The following LMX1A variants were observed in gnomAD, a reference collection of about 807,000 sequenced individuals.
The protein encoded by LMX1A is LIM homeobox transcription factor 1 alpha, also known as LIM homeobox transcription factor 1-alpha.
A neutral mutation model predicts 49.1 loss-of-function variants in LMX1A; 15 were observed. The ratio of observed to expected loss-of-function variants is 0.31; its 90% CI spans 0.20 to 0.47. The LOEUF is 0.47. Ranked by LOEUF, LMX1A falls within the 20% of genes least tolerant of loss-of-function variation. The pLI, the probability that LMX1A is intolerant of heterozygous loss-of-function variation, is 1.00. For missense variants in LMX1A, 372 were observed against 475.8 expected (o/e 0.78, Z 2.03); for synonymous variants, 167 against 185.7 (o/e 0.90, Z 0.82).
chr1:165,224,843 G>A (rs1239153349), intron 4 of LMX1A, among the ~76,000 whole-genome samples: 1 of 152,178 alleles, frequency 6.6e-6, no homozygotes, highest in Non-Finnish European at 1.5e-5. Context: ...TCCACAGTTA[G>A]GGTTCACCTG....
At chr1:165,247,190 G>T (rs1652892622) in intron 4 of LMX1A, among the ~76,000 whole-genome samples, 1 of 149,622 alleles carries the variant, frequency 6.7e-6, no homozygotes, top group Non-Finnish European at 1.5e-5. Context: ...TAGTGATTAA[G>T]CCTCCAGACA....
intron 4 of LMX1A, among the ~76,000 whole-genome samples, chr1:165,219,860 G>T (rs1158690243): frequency 6.6e-6 from 1 of 152,198 alleles, no homozygotes; most frequent in Non-Finnish European, 1.5e-5. Context: ...ACAGATATAT[G>T]TGATTAGTAG....
chr1:165,215,407 C>G (rs1358706024), intron 4 of LMX1A, among the ~76,000 whole-genome samples: 2 of 152,198 alleles, frequency 1.3e-5, no homozygotes, highest in Non-Finnish European at 2.9e-5. Context: ...TCACAGAGCT[C>G]AACTGCCCTC....
At chr1:165,342,862 T>C (rs1656117726) in intron 3 of LMX1A, among the ~76,000 whole-genome samples, 1 of 151,644 alleles carries the variant, frequency 6.6e-6, no homozygotes. Flanking sequence ...GATGGTGTGA[T>C]TTAGTGGAAA....
intron 3 of LMX1A, among the ~76,000 whole-genome samples, chr1:165,346,515 T>C (rs1436778889): frequency 6.6e-6 from 1 of 152,240 alleles, no homozygotes; most frequent in Non-Finnish European, 1.5e-5. Context: ...TACAGATGAT[T>C]TGGTTGCCTT....
At chr1:165,227,140 G>T (rs1235189350) in intron 4 of LMX1A, among the ~76,000 whole-genome samples, 1 of 152,150 alleles carries the variant, frequency 6.6e-6, no homozygotes, top group African/African-American at 2.4e-5. Context: ...TTAAAATAAA[G>T]GACAAAGCAA....
At chr1:165,236,895 G>A (rs1020569764) in intron 4 of LMX1A, among the ~76,000 whole-genome samples, 1 of 150,806 alleles carries the variant, frequency 6.6e-6, no homozygotes, top group African/African-American at 2.4e-5. Context: ...AGTCTTATAG[G>A]GTAAATACTT....
At position 165,271,086 on chromosome 1, in the gene LMX1A, T is replaced by G. The variant is rs1202886929; in HGVS notation, c.264-21446A>C. 2.6e-5 allele frequency among the ~76,000 whole-genome samples: 4 copies of G among 152,334 alleles called. No homozygotes were observed. The East Asian group carries it at 7.7e-4, about 29-fold the overall frequency. The stretch of plus-strand genomic sequence containing the variant: ...GGGATGAGTCCTCATTTATCCTAGC[T>G]AGGCCAACCCATCTCTTTCCCCTTT... On this transcript the variant is annotated intron_variant, in intron 3 of 8. Transcript: ENST00000342310.
chr1:165,355,400 G>C lies in LMX1A; in HGVS notation c.76+84C>G. On this transcript the variant is annotated intron_variant, in intron 2 of 8. Coordinates refer to ENST00000342310, the MANE Select transcript of LMX1A (RefSeq NM_177398.4). The surrounding 1 kb of genome is among the most constrained non-coding windows in gnomAD (Gnocchi z 4.7). ...GAGGGGCGCTAGCTTCCCTATCGCG[G>C]ACCAGGTCCCAGAGAGCGGGGCTCC... 3.0e-6 allele frequency: 4 copies of C among 1,350,474 alleles called. No homozygotes were observed. The highest frequency in any genetic ancestry group is 4.2e-6 in the Non-Finnish European group (4 of 954,128). The allele number at this position is 1,350,474 out of a possible 1,614,324, so 83.7% of individuals were successfully genotyped here. A position where few individuals can be genotyped will look rare whatever the true frequency, so the allele number is the denominator to read the frequency against.
intron 4 of LMX1A, among the ~76,000 whole-genome samples, chr1:165,230,169 C>T (rs189623782): frequency 6.6e-5 from 10 of 152,272 alleles, no homozygotes; most frequent in South Asian, 2.1e-4. Flanking sequence ...CAACTTCCAG[C>T]GACAAGAATT....
intron 3 of LMX1A, among the ~76,000 whole-genome samples, chr1:165,279,079 A>G (rs1380533705): frequency 6.6e-6 from 1 of 152,248 alleles, no homozygotes; most frequent in Non-Finnish European, 1.5e-5. Flanking sequence ...TTCTACCACC[A>G]GCTGTATATC....
Position 165,246,071 on chromosome 1 carries a change from T to G in LMX1A, c.496+3337A>C, listed in dbSNP as rs563149325. Among the ~76,000 whole-genome samples the G allele has an allele frequency of 1.8e-4, 27 of 152,240 alleles. 1 individual carries two copies. The South Asian group carries it at 3.3e-3, about 19-fold the overall frequency. Reference sequence around the variant, plus strand: ...ACAGAAACCAGAGGATAAACTGTATTTGTACTGAGGCAGATCCTAAAGTTG... The same window carrying G: ...ACAGAAACCAGAGGATAAACTGTATGTGTACTGAGGCAGATCCTAAAGTTG... On this transcript the variant is annotated intron_variant, in intron 4 of 8. Coordinates refer to ENST00000342310, the MANE Select transcript of LMX1A (RefSeq NM_177398.4).
chr1:165,303,833 G>A (rs941056900), intron 3 of LMX1A, among the ~76,000 whole-genome samples: 4 of 152,182 alleles, frequency 2.6e-5, no homozygotes, highest in Non-Finnish European at 5.9e-5. Context: ...CCAAGCTGTG[G>A]AGGCTGGGGT....
chr1:165,213,609 C>T, intron 5 of LMX1A, 32 bp downstream of exon 5: 2 of 1,595,240 alleles, frequency 1.3e-6, no homozygotes, highest in Non-Finnish European at 1.7e-6. Context: ...AAGTGGGGCC[C>T]AGCTCCTTTT....
rs144186336 is a variant in LMX1A at position 165,353,168 on chromosome 1, C to T, written c.171G>A (p.Glu57=). ...LLRLNDSFWH[E]QCVQCASCKE... ...TGCAGGAGGCGCACTGCACGCACTG[C>T]TCATGCCAGAAGCTGTCGTTGAGCC... Residue 57 remains glutamate (E), a synonymous_variant, in exon 3 of 9, where the codon GAG becomes GAA. Transcript: ENST00000342310. The T allele has an allele frequency of 3.1e-6, 5 of 1,614,046 alleles. No homozygotes were observed. The African/African-American group carries it at 6.7e-5, about 22-fold the overall frequency.
intron 4 of LMX1A, among the ~76,000 whole-genome samples, chr1:165,240,324 T>C (rs1652604911): frequency 6.6e-6 from 1 of 152,168 alleles, no homozygotes; most frequent in African/African-American, 2.4e-5. Flanking sequence ...CAAGGTTTTT[T>C]TTTTTCTTTT....
At chr1:165,278,593 G>A (rs750034927) in intron 3 of LMX1A, among the ~76,000 whole-genome samples, 4 of 151,936 alleles carry the variant, frequency 2.6e-5, no homozygotes, top group Non-Finnish European at 5.9e-5. Context: ...CTCTTCACCT[G>A]CAGTCTTTCT....
At chr1:165,227,901 C>T (rs1437014553) in intron 4 of LMX1A, among the ~76,000 whole-genome samples, 1 of 152,068 alleles carries the variant, frequency 6.6e-6, no homozygotes, top group Non-Finnish European at 1.5e-5. Flanking sequence ...GATAGTCATA[C>T]AAGCAGATAA....
intron 4 of LMX1A, among the ~76,000 whole-genome samples, chr1:165,242,100 A>G (rs188473659): frequency 6.6e-6 from 1 of 152,336 alleles, no homozygotes; most frequent in East Asian, 1.9e-4. Context: ...TATGAACAGG[A>G]CAAAGTGAAT....
Sources: allele counts gnomAD v4.1 joint callset (sites outside exome capture counted in the v4.1 genomes callset), GRCh38; gene constraint gnomAD v4.1.1; non-coding constraint Gnocchi (gnomAD v3.1); transcripts MANE v1.5; gene names NCBI Gene and HGNC (gene_info 2026-07-23, HGNC 2026-07-21).